KIF16B: variants seen among roughly 807,000 people sequenced by gnomAD.
The protein encoded by KIF16B is kinesin-like protein KIF16B.
A neutral mutation model predicts 156.3 loss-of-function variants in KIF16B; 98 were observed. That is an observed-to-expected ratio of 0.63 (90% confidence interval 0.53 to 0.74). The LOEUF (loss-of-function observed/expected upper bound fraction) is 0.74. Among genes scored for constraint, KIF16B ranks in the 30% least tolerant of loss-of-function variants. KIF16B has a pLI of 0.00. For synonymous variants in KIF16B, 564 were observed against 583.7 expected (o/e 0.97, Z 0.49); for missense variants, 1,421 against 1,606.5 (o/e 0.88, Z 1.97).
chr20:16,275,780 C>T (rs1331201727), intron 25 of KIF16B, among the ~76,000 whole-genome samples: 1 of 152,124 alleles, frequency 6.6e-6, no homozygotes, highest in Admixed American at 6.5e-5. Flanking sequence ...CAAAGAGAGA[C>T]CTGACTTCCA....
At chr20:16,476,798 C>T (rs1438784493) in intron 12 of KIF16B, among the ~76,000 whole-genome samples, 1 of 152,098 alleles carries the variant, frequency 6.6e-6, no homozygotes, top group Non-Finnish European at 1.5e-5. Context: ...CTCGCTCTGT[C>T]GCCAGGCTGG....
At chr20:16,489,193 G>C (rs1434644678) in intron 12 of KIF16B, among the ~76,000 whole-genome samples, 1 of 152,182 alleles carries the variant, frequency 6.6e-6, no homozygotes, top group Non-Finnish European at 1.5e-5. Flanking sequence ...ACAATGGGCT[G>C]GTCCTTGCTG....
chr20:16,329,649 T>C (rs2063915412), intron 24 of KIF16B, among the ~76,000 whole-genome samples: 1 of 152,114 alleles, frequency 6.6e-6, no homozygotes, highest in Admixed American at 6.6e-5. Context: ...TTTAATTTGA[T>C]TAAGATTCCA....
intron 22 of KIF16B, among the ~76,000 whole-genome samples, chr20:16,364,869 C>A (rs191245168): frequency 3.3e-5 from 5 of 152,254 alleles, no homozygotes; most frequent in African/African-American, 9.6e-5. Context: ...GATTTTTATA[C>A]GATGCTCGTA....
intron 12 of KIF16B, among the ~76,000 whole-genome samples, chr20:16,487,547 G>A (rs1045813487): frequency 6.6e-6 from 1 of 152,162 alleles, no homozygotes; most frequent in African/African-American, 2.4e-5. Context: ...TTGCCATAAT[G>A]TTCTGGAGAC....
At chr20:16,486,493 T>C (rs568492396) in intron 12 of KIF16B, among the ~76,000 whole-genome samples, 1 of 152,338 alleles carries the variant, frequency 6.6e-6, no homozygotes, top group South Asian at 2.1e-4. Context: ...AAAATAGTTT[T>C]TTAAAATTAC....
intron 1 of KIF16B, among the ~76,000 whole-genome samples, chr20:16,552,552 C>T (rs926929220): frequency 6.6e-6 from 1 of 152,100 alleles, no homozygotes; most frequent in African/African-American, 2.4e-5. Flanking sequence ...TTAGACCCAA[C>T]CCCCCACCAT....
At chr20:16,417,303 C>A (rs1473164752) in intron 15 of KIF16B, among the ~76,000 whole-genome samples, 2 of 152,138 alleles carry the variant, frequency 1.3e-5, no homozygotes, top group East Asian at 1.9e-4. Flanking sequence ...AGGTCCCAGC[C>A]TGGCCAACGG....
At chr20:16,314,766 T>G (rs1313598457) in intron 24 of KIF16B, among the ~76,000 whole-genome samples, 5 of 152,196 alleles carry the variant, frequency 3.3e-5, no homozygotes, top group African/African-American at 1.2e-4. Flanking sequence ...CATTCCCTTG[T>G]GGCCTCTCTG....
At chr20:16,414,811 C>T (rs1229776796) in intron 15 of KIF16B, among the ~76,000 whole-genome samples, 1 of 152,108 alleles carries the variant, frequency 6.6e-6, no homozygotes, top group East Asian at 1.9e-4. Flanking sequence ...GCACAGACAT[C>T]CCCAACTTAA....
intron 1 of KIF16B, among the ~76,000 whole-genome samples, chr20:16,567,922 A>ACAGG (rs1296991325): frequency 2.0e-5 from 3 of 152,222 alleles, no homozygotes; most frequent in Admixed American, 2.0e-4. Context: ...ACTGCACTCC[A>ACAGG]GCCTGGGCAA....
intron 24 of KIF16B, among the ~76,000 whole-genome samples, chr20:16,324,059 A>T (rs781234447): frequency 1.3e-5 from 2 of 151,988 alleles, no homozygotes; most frequent in Non-Finnish European, 2.9e-5. Flanking sequence ...GATACTTCAG[A>T]TCTGTGAATA....
intron 15 of KIF16B, among the ~76,000 whole-genome samples, chr20:16,411,042 A>G (rs886108399): frequency 5.3e-5 from 8 of 151,690 alleles, no homozygotes; most frequent in African/African-American, 1.7e-4. Flanking sequence ...ACTCGTCAAT[A>G]AATTTCTCTG....
chr20:16,326,959 G>GTTAT (rs1202967711), intron 24 of KIF16B, among the ~76,000 whole-genome samples: 1 of 137,990 alleles, frequency 7.2e-6, no homozygotes, highest in African/African-American at 2.7e-5. Context: ...TAAAGAAAAT[G>GTTAT]TTATATATAT....
intron 22 of KIF16B, among the ~76,000 whole-genome samples, chr20:16,364,292 T>A (rs1298759099): frequency 6.6e-6 from 1 of 152,200 alleles, no homozygotes; most frequent in Non-Finnish European, 1.5e-5. Context: ...TCAGATGAAA[T>A]CACTATTTCA....
At chr20:16,556,698 G>A (rs996874603) in intron 1 of KIF16B, among the ~76,000 whole-genome samples, 2 of 152,090 alleles carry the variant, frequency 1.3e-5, no homozygotes, top group African/African-American at 2.4e-5. Flanking sequence ...TGCACCCATT[G>A]CATGTTCCAG....
chr20:16,351,214 T>TG lies in KIF16B; in HGVS notation c.3621+5115_3621+5116insC, dbSNP rs1163716125. Among the ~76,000 whole-genome samples the TG allele has an allele frequency of 3.3e-5, 5 of 152,304 alleles. No individual in the cohort carries two copies. In the East Asian group the frequency reaches 5.8e-4, roughly 18 times the overall value. On this transcript the variant is annotated intron_variant, in intron 23 of 25. Coordinates refer to ENST00000354981, the MANE Select transcript of KIF16B (RefSeq NM_024704.5). The stretch of plus-strand genomic sequence containing the variant: ...AACACACCAGTGTTGGCTTATTTCT[T>TG]TATGTTACCGTGTTGACATGTAAGT...
At chr20:16,298,095 T>A (rs1601519770) in intron 25 of KIF16B, among the ~76,000 whole-genome samples, 1 of 152,174 alleles carries the variant, frequency 6.6e-6, no homozygotes, top group African/African-American at 2.4e-5. Context: ...CAACCACCAA[T>A]CTCACCTTTC....
At chr20:16,324,139 C>T (rs550687761) in intron 24 of KIF16B, among the ~76,000 whole-genome samples, 10 of 152,036 alleles carry the variant, frequency 6.6e-5, no homozygotes, top group African/African-American at 1.9e-4. Flanking sequence ...TTTCTTACTA[C>T]GATTTGAATT....
Sources: gnomAD v4.1 joint callset for allele counts (sites outside exome capture counted in the v4.1 genomes callset) on GRCh38, gnomAD v4.1.1 for gene constraint, MANE v1.5 for transcripts, NCBI Gene and HGNC (gene_info 2026-07-23, HGNC 2026-07-21) for gene names.